EXO1: variants seen among roughly 807,000 people sequenced by gnomAD.
EXO1 encodes exonuclease 1.
A neutral mutation model predicts 84.5 loss-of-function variants in EXO1; 69 were observed. The observed-to-expected ratio is 0.82, with a 90% CI of 0.67 to 1.00. The LOEUF is 1.00. Among genes scored for constraint, EXO1 ranks in the 50% least tolerant of loss-of-function variants. EXO1 has a pLI of 0.00. For missense variants in EXO1, 1,045 were observed against 1,000.7 expected (o/e 1.04, Z -0.60); for synonymous variants, 373 against 366.1 (o/e 1.02, Z -0.21).
intron 12 of EXO1, among the ~76,000 whole-genome samples, chr1:241,875,780 AG>A (rs1241598813): frequency 1.3e-5 from 2 of 152,246 alleles, no homozygotes; most frequent in Non-Finnish European, 2.9e-5. Context: ...TGGGAGGCTG[AG>A]GCAGGAGAAT....
chr1:241,862,297 C>T (rs1271942050), intron 10 of EXO1, among the ~76,000 whole-genome samples: 2 of 152,216 alleles, frequency 1.3e-5, no homozygotes, highest in Non-Finnish European at 2.9e-5. Context: ...GATACTGTCT[C>T]CCATCATTGT....
At chr1:241,869,733 T>TC (rs1206696546) in intron 11 of EXO1, among the ~76,000 whole-genome samples, 3 of 133,856 alleles carry the variant, frequency 2.2e-5, no homozygotes, top group African/African-American at 8.2e-5. Flanking sequence ...CTTCCTTCCT[T>TC]CCTTCCCTCC....
chr1:241,880,011 A>AAG (rs902855483), intron 13 of EXO1, among the ~76,000 whole-genome samples: 14 of 152,100 alleles, frequency 9.2e-5, no homozygotes, highest in African/African-American at 3.4e-4. Context: ...TCTCAAAAAA[A>AAG]AAAAAAGAAA....
chr1:241,862,621 C>T (rs1661466851), intron 10 of EXO1, among the ~76,000 whole-genome samples: 1 of 152,194 alleles, frequency 6.6e-6, no homozygotes, highest in African/African-American at 2.4e-5. Flanking sequence ...CTGATTCTTT[C>T]CAATAGAATG....
chr1:241,889,373 C>A, intron 15 of EXO1, 92 bp from the exon 16 acceptor site: 1 of 1,153,706 alleles, frequency 8.7e-7, no homozygotes, highest in East Asian at 2.4e-5. Flanking sequence ...GTCTTATCCT[C>A]TTCATGTCCC....
chr1:241,865,234 C>G (rs1400612079), intron 10 of EXO1, among the ~76,000 whole-genome samples: 1 of 129,368 alleles, frequency 7.7e-6, no homozygotes, highest in Non-Finnish European at 1.6e-5. Flanking sequence ...TTTTTTTGAA[C>G]AGAATCTCTC....
intron 10 of EXO1, among the ~76,000 whole-genome samples, chr1:241,866,183 G>A (rs570224121): frequency 3.9e-4 from 59 of 152,136 alleles, no homozygotes; most frequent in African/African-American, 1.3e-3. Context: ...AGTCTCCCTC[G>A]GCTCACTGCA....
intron 10 of EXO1, among the ~76,000 whole-genome samples, chr1:241,863,532 T>C (rs1187072729): frequency 6.6e-6 from 1 of 151,834 alleles, no homozygotes; most frequent in African/African-American, 2.4e-5. Flanking sequence ...AACCAGATCT[T>C]GAGAAAAAAA....
At chr1:241,878,241 G>A (rs530696604) in intron 12 of EXO1, among the ~76,000 whole-genome samples, 1 of 152,346 alleles carries the variant, frequency 6.6e-6, no homozygotes, top group South Asian at 2.1e-4. Context: ...GCTCACGCCT[G>A]TAATCCCAAC....
intron 10 of EXO1, among the ~76,000 whole-genome samples, chr1:241,862,666 C>T (rs1036679212): frequency 2.0e-5 from 3 of 152,184 alleles, no homozygotes; most frequent in Non-Finnish European, 4.4e-5. Context: ...GTGATCCTCA[C>T]TGCTGTATGA....
At chr1:241,885,639 TCTTCC>T in intron 15 of EXO1, 132 bp downstream of exon 15, 1 of 769,638 alleles carries the variant, frequency 1.3e-6, no homozygotes, top group Non-Finnish European at 2.3e-6. Context: ...TATTTTTCTC[TCTTCC>T]CTTTAGCTAA....
At chr1:241,875,764 G>C (rs1662365212) in intron 12 of EXO1, among the ~76,000 whole-genome samples, 1 of 152,214 alleles carries the variant, frequency 6.6e-6, no homozygotes, top group African/African-American at 2.4e-5. Context: ...AGTAGTCCCA[G>C]CTGTTTGGGA....
At chr1:241,867,348 G>T (rs950396002) in intron 11 of EXO1, among the ~76,000 whole-genome samples, 5 of 152,088 alleles carry the variant, frequency 3.3e-5, no homozygotes, top group African/African-American at 1.2e-4. Context: ...CCAAGTGAAA[G>T]GGTTTTCCCT....
At chr1:241,880,539 T>C (rs1413611862) in intron 13 of EXO1, among the ~76,000 whole-genome samples, 1 of 152,174 alleles carries the variant, frequency 6.6e-6, no homozygotes, top group African/African-American at 2.4e-5. Context: ...CCTCCTCCCC[T>C]AGCCATGCCC....
chr1:241,858,653 C>G lies in EXO1; in HGVS notation c.691C>G (p.Arg231Gly), dbSNP rs755850791. ...AGGTTGTGACTACCTGTCATCACTGCGTGGGATTGGATTAGCAAAGGCATG... is the reference window on the plus strand; with the variant it reads ...AGGTTGTGACTACCTGTCATCACTGGGTGGGATTGGATTAGCAAAGGCATG... ...LSGCDYLSSL[R>G]GIGLAKACKV... Residue 231 changes from arginine (R) to glycine (G), a missense_variant, in exon 8 of 16, where the codon CGT becomes GGT. Arg to Gly is a moderately radical substitution (Grantham distance 125, BLOSUM62 -2). Transcript: ENST00000366548. 8 of 1,613,780 alleles carry G rather than the reference C, an allele frequency of 5.0e-6. No homozygotes were observed. The highest frequency in any genetic ancestry group is 6.8e-6 in the Non-Finnish European group (8 of 1,179,886).
chr1:241,875,967 C>T (rs75809322), intron 12 of EXO1, among the ~76,000 whole-genome samples: 1,988 of 152,230 alleles, frequency 0.013, 42 homozygotes, highest in African/African-American at 0.046. Flanking sequence ...TTTGTTTTTC[C>T]GCTGGGGTGA....
At chr1:241,883,800 C>A (rs1418762) in intron 14 of EXO1, among the ~76,000 whole-genome samples, 144,151 of 152,288 alleles carry the variant, frequency 0.95, 68,389 homozygotes, top group Non-Finnish European at 0.98. Context: ...TTGTGGCATC[C>A]TATTAAGAAG....
At chr1:241,850,836 CTTTTTT>C (rs10641736) in intron 4 of EXO1, among the ~76,000 whole-genome samples, 1 of 105,096 alleles carries the variant, frequency 9.5e-6, no homozygotes, top group South Asian at 3.5e-4. Flanking sequence ...CTCCTTTATT[CTTTTTT>C]TTTTTTTTTT....
chr1:241,885,326 T>C lies in EXO1; in HGVS notation c.2224T>C (p.Tyr742His), dbSNP rs1255040929. The change falls in exon 15 of 16, where the codon TAT (tyrosine) becomes CAT (histidine). Residue 742 changes from tyrosine (Y) to histidine (H), a missense_variant. Transcript: ENST00000366548. ...TPLRNKVPGL[Y>H]KSSSADSLST... The stretch of plus-strand genomic sequence containing the variant: ...GTTTAATCTTCAGGTTCCTGGGCTA[T>C]ATAAGTCCAGTTCTGCAGACTCTCT... 1 of 1,613,374 alleles carries C rather than the reference T, an allele frequency of 6.2e-7. No homozygotes were observed. The highest frequency in any genetic ancestry group is 8.5e-7 in the Non-Finnish European group (1 of 1,179,528).
Sources: allele counts gnomAD v4.1 joint callset (sites outside exome capture counted in the v4.1 genomes callset), GRCh38; gene constraint gnomAD v4.1.1; transcripts MANE v1.5; gene names NCBI Gene and HGNC (gene_info 2026-07-23, HGNC 2026-07-21).